The following ECPAS variants were observed in gnomAD, a reference collection of about 807,000 sequenced individuals.
The protein encoded by ECPAS is proteasome adapter and scaffold protein ECM29.
A neutral mutation model predicts 255.1 loss-of-function variants in ECPAS; 70 were observed. The observed-to-expected ratio is 0.27, with a 90% CI of 0.23 to 0.33. The LOEUF (loss-of-function observed/expected upper bound fraction) is 0.33, where lower values mean the gene tolerates loss of function less well. Among genes scored for constraint, ECPAS ranks in the 10% least tolerant of loss-of-function variants. The pLI, the probability that ECPAS is intolerant of heterozygous loss-of-function variation, is 1.00. For synonymous variants in ECPAS, 784 were observed against 775.0 expected (o/e 1.01, Z -0.19); for missense variants, 1,817 against 2,206.4 (o/e 0.82, Z 3.54).
At chr9:111,463,431 T>C (rs1047788065) in intron 2 of ECPAS, among the ~76,000 whole-genome samples, 4 of 152,060 alleles carry the variant, frequency 2.6e-5, no homozygotes, top group African/African-American at 9.7e-5. Context: ...TCAAACATTC[T>C]CTACAGAAAA....
chr9:111,378,807 T>C (rs2098136729), intron 35 of ECPAS, 77 bp from the exon 36 acceptor site: 7 of 1,392,518 alleles, frequency 5.0e-6, no homozygotes, highest in Non-Finnish European at 6.8e-6. Context: ...CATGAGGATG[T>C]TCTGCAGTTC....
chr9:111,447,475 T>A (rs1399037578), intron 3 of ECPAS, among the ~76,000 whole-genome samples: 2 of 152,178 alleles, frequency 1.3e-5, no homozygotes, highest in Non-Finnish European at 2.9e-5. Context: ...TCATGTTAAA[T>A]ATCGGCGAAT....
At chr9:111,402,238 G>A (rs2098177277) in intron 24 of ECPAS, among the ~76,000 whole-genome samples, 1 of 152,128 alleles carries the variant, frequency 6.6e-6, no homozygotes, top group Admixed American at 6.5e-5. Context: ...CCCTCCACTT[G>A]GGGTCCCTGA....
chr9:111,372,139 CTTAATTAAAAA>C (rs2098128110), intron 42 of ECPAS, among the ~76,000 whole-genome samples: 1 of 152,178 alleles, frequency 6.6e-6, no homozygotes, highest in Non-Finnish European at 1.5e-5. Flanking sequence ...AAATCACACT[CTTAATTAAAAA>C]TGTAAAGCTC....
At chr9:111,467,006 G>T (rs954917803) in intron 2 of ECPAS, among the ~76,000 whole-genome samples, 1 of 151,932 alleles carries the variant, frequency 6.6e-6, no homozygotes, top group Non-Finnish European at 1.5e-5. Context: ...CCTCCTACCC[G>T]CATAAAAAGA....
In ECPAS at chr9:111,418,204, G is replaced by A. The variant is rs1433065155; in HGVS notation, c.1560-198C>T. Among the ~76,000 whole-genome samples the A allele has an allele frequency of 2.0e-5, 3 of 151,888 alleles. No individual in the cohort carries two copies. In the East Asian group the frequency reaches 5.8e-4, roughly 29 times the overall value. ...TTTTCAGAAATTGCATGAGGTCCGG[G>A]GACTCATCTGGCTTACATCTTTGAA... On this transcript the variant is annotated intron_variant, in intron 16 of 49. Transcript: ENST00000684092.
chr9:111,444,369 A>G lies in ECPAS; in HGVS notation c.270+9T>C. ...TGTAAGTCAGAAAATATTCCAATAC[A>G]ACACTCACTGTGACAAAGGAAACTG... On this transcript the variant is annotated intron_variant, in intron 4 of 49. Coordinates refer to ENST00000684092, the MANE Select transcript of ECPAS (RefSeq NM_001364929.1). 6.4e-7 allele frequency: 1 copy of G among 1,570,590 alleles called. No homozygotes were observed. The highest frequency in any genetic ancestry group is 8.7e-7 in the Non-Finnish European group (1 of 1,144,180).
chr9:111,364,492 A>C (rs1408826621), intron 48 of ECPAS, among the ~76,000 whole-genome samples: 1 of 152,226 alleles, frequency 6.6e-6, no homozygotes, highest in Non-Finnish European at 1.5e-5. Flanking sequence ...GAAGAGAAGA[A>C]TCTTGCTTAC....
chr9:111,418,164 A>G (rs972110580), intron 16 of ECPAS, among the ~76,000 whole-genome samples, 158 bp from the exon 17 acceptor site: 20 of 152,258 alleles, frequency 1.3e-4, no homozygotes, highest in African/African-American at 4.6e-4. Flanking sequence ...ATAACACATT[A>G]TAAGAAATCA....
intron 1 of ECPAS, among the ~76,000 whole-genome samples, chr9:111,477,247 T>C (rs1219182246): frequency 6.6e-6 from 1 of 151,994 alleles, no homozygotes; most frequent in Admixed American, 6.6e-5. Context: ...AAGCTGGGAC[T>C]ACAGGTGCAC....
chr9:111,401,660 A>G (rs534004756), intron 24 of ECPAS, among the ~76,000 whole-genome samples: 19 of 152,358 alleles, frequency 1.2e-4, no homozygotes, highest in African/African-American at 3.8e-4. Flanking sequence ...TCTCAACCAC[A>G]TAAGACAGAC....
chr9:111,372,821 CG>C (rs1422251672), intron 41 of ECPAS, among the ~76,000 whole-genome samples: 1 of 152,100 alleles, frequency 6.6e-6, no homozygotes, highest in Non-Finnish European at 1.5e-5. Context: ...AGCTTGAGCT[CG>C]GGAGTTTAAG....
At chr9:111,429,086 T>C (rs939237082) in intron 9 of ECPAS, among the ~76,000 whole-genome samples, 2 of 152,214 alleles carry the variant, frequency 1.3e-5, no homozygotes, top group African/African-American at 2.4e-5. Context: ...ACTTTTATCA[T>C]TGCCAATAAA....
chr9:111,360,882 G>T lies in ECPAS; in HGVS notation c.*1148C>A, dbSNP rs899103641. 10 of 152,224 alleles carry T rather than the reference G, an allele frequency of 6.6e-5. No individual in the cohort carries two copies. The highest frequency in any genetic ancestry group is 4.2e-4 in the South Asian group (2 of 4,816). The allele number at this position is 152,224 out of a possible 1,614,324, so 9.4% of individuals were successfully genotyped here. A position where few individuals can be genotyped will look rare whatever the true frequency, so the allele number is the denominator to read the frequency against. The stretch of plus-strand genomic sequence containing the variant: ...CCAGTCTTCTGCTCTGGAATCCAAG[G>T]TAAGCTACAGAGTTCTCAGTTTACC... On this transcript the variant is annotated 3_prime_UTR_variant, in exon 50 of 50. Transcript: ENST00000684092.
At chr9:111,405,823 G>T (rs1042609513) in intron 24 of ECPAS, among the ~76,000 whole-genome samples, 3 of 149,498 alleles carry the variant, frequency 2.0e-5, no homozygotes, top group African/African-American at 7.6e-5. Context: ...GAAATACAGA[G>T]AAAAACCACA....
intron 24 of ECPAS, among the ~76,000 whole-genome samples, chr9:111,401,246 TC>T (rs1464782216): frequency 2.0e-5 from 3 of 152,156 alleles, no homozygotes; most frequent in African/African-American, 7.2e-5. Flanking sequence ...TCCCTAAGTG[TC>T]GGTTGGTCTG....
rs2098127810 is a variant in ECPAS, at chr9:111,371,942, TA to T, written c.4529-114del. 5 of 729,104 alleles carry T rather than the reference TA, an allele frequency of 6.9e-6. No individual in the cohort carries two copies. The East Asian group carries it at 1.3e-4, about 19-fold the overall frequency. The allele number at this position is 729,104 out of a possible 1,614,324, so 45.2% of individuals were successfully genotyped here. A position where few individuals can be genotyped will look rare whatever the true frequency, so the allele number is the denominator to read the frequency against. ...TCTAAAAGCAGTGACTCTCAACTGTTAAAACACACCACTCTCTCAAAGGGAG... is the reference window on the plus strand; with the variant it reads ...TCTAAAAGCAGTGACTCTCAACTGTTAAACACACCACTCTCTCAAAGGGAG... On this transcript the variant is annotated intron_variant, in intron 42 of 49. Coordinates refer to ENST00000684092, the MANE Select transcript of ECPAS (RefSeq NM_001364929.1).
intron 2 of ECPAS, among the ~76,000 whole-genome samples, chr9:111,452,766 G>A (rs1411157047): frequency 2.6e-5 from 4 of 152,206 alleles, no homozygotes; most frequent in Non-Finnish European, 5.9e-5. Flanking sequence ...GATCAATCCT[G>A]AGAGGGGCAG....
chr9:111,382,698 CT>C, intron 35 of ECPAS, among the ~76,000 whole-genome samples: 1 of 152,214 alleles, frequency 6.6e-6, no homozygotes, highest in South Asian at 2.1e-4. Context: ...TTGTTCTACT[CT>C]TAAGAGTGAA....
Sources: gnomAD v4.1 joint callset for allele counts (sites outside exome capture counted in the v4.1 genomes callset) on GRCh38, gnomAD v4.1.1 for gene constraint, MANE v1.5 for transcripts, NCBI Gene and HGNC (gene_info 2026-07-23, HGNC 2026-07-21) for gene names.